Variants in RHOBTB3 observed in about 807,000 individuals in gnomAD.
RHOBTB3 encodes Rho related BTB domain containing 3.
Under a neutral mutation model 67.2 loss-of-function variants are expected in RHOBTB3, and 47 were observed. The ratio of observed to expected loss-of-function variants is 0.70; its 90% CI spans 0.55 to 0.89. The LOEUF is 0.89. Ranked by LOEUF, RHOBTB3 falls within the 40% of genes least tolerant of loss-of-function variation. The pLI, the probability that RHOBTB3 is intolerant of heterozygous loss-of-function variation, is 0.00. For missense variants in RHOBTB3, 631 were observed against 750.0 expected, an observed-to-expected ratio of 0.84 and a Z score of 1.85; for synonymous variants, 273 against 274.2, an observed-to-expected ratio of 1.00 and a Z score of 0.04.
rs1432634434 is a variant in RHOBTB3 at position 95,794,000 on chromosome 5, C to G, written c.*826C>G. 5 of 456,102 alleles carry G rather than the reference C, an allele frequency of 1.1e-5. No individual in the cohort carries two copies. The Admixed American group carries it at 1.2e-4, about 11-fold the overall frequency. 28.3% of individuals were successfully genotyped at this position (456,102 alleles called of 1,614,324 possible). ...TATCCTATGTTTTCTTGCTCAAACA[C>G]CTTTCTCTCTGAAAGCAGAAAAAGG... On this transcript the variant is annotated 3_prime_UTR_variant, in exon 12 of 12. Transcript: ENST00000379982.
At chr5:95,770,514 G>T in intron 8 of RHOBTB3, 1 of 339,662 alleles carries the variant, frequency 2.9e-6, no homozygotes, top group South Asian at 3.3e-5. Context: ...AGTTGGTTAT[G>T]AGCTATGGTT....
chr5:95,782,879 A>G (rs1443175058), intron 9 of RHOBTB3: 1 of 151,662 alleles, frequency 6.6e-6, no homozygotes, highest in Non-Finnish European at 1.5e-5. Flanking sequence ...TATCATAATA[A>G]AAACAAAACA....
chr5:95,736,595 A>G (rs576303589), intron 2 of RHOBTB3, among the ~76,000 whole-genome samples: 3 of 152,356 alleles, frequency 2.0e-5, no homozygotes, highest in Non-Finnish European at 4.4e-5. Context: ...AATATAGTGT[A>G]ATTTTAAAAC....
intron 1 of RHOBTB3, among the ~76,000 whole-genome samples, chr5:95,724,625 C>T (rs895620922): frequency 1.3e-5 from 2 of 152,160 alleles, no homozygotes; most frequent in Non-Finnish European, 2.9e-5. Context: ...ACCACCACGC[C>T]CGGCTAATTT....
At chr5:95,775,053 G>A (rs1745826820) in intron 8 of RHOBTB3, among the ~76,000 whole-genome samples, 1 of 152,146 alleles carries the variant, frequency 6.6e-6, no homozygotes, top group Non-Finnish European at 1.5e-5. Context: ...TAACTCAAAG[G>A]CGAGTGTGAG....
rs564701804 is a variant in RHOBTB3 at position 95,742,838 on chromosome 5, C to T, written c.416-5495C>T. Among the ~76,000 whole-genome samples, 30 of 152,230 alleles carry T rather than the reference C, an allele frequency of 2.0e-4. 1 individual carries two copies. In the South Asian group the frequency reaches 5.4e-3, roughly 27 times the overall value. Reference sequence around the variant, plus strand: ...CTGTAATCCCAGCACTTCGGGAGGCCGAGGCGGGCGGATCATGAGGTCAGG... The same window carrying T: ...CTGTAATCCCAGCACTTCGGGAGGCTGAGGCGGGCGGATCATGAGGTCAGG... On this transcript the variant is annotated intron_variant, in intron 3 of 11. Transcript: ENST00000379982.
intron 11 of RHOBTB3, 92 bp from the exon 12 acceptor site, chr5:95,792,967 T>C: frequency 1.2e-6 from 1 of 815,370 alleles, no homozygotes. Context: ...CAGAGCTGGA[T>C]CTCATCTATT....
At chr5:95,732,175 T>A (rs1417645037) in intron 2 of RHOBTB3, 91 bp downstream of exon 2, 14 of 1,193,190 alleles carry the variant, frequency 1.2e-5, no homozygotes, top group Non-Finnish European at 1.7e-5. Flanking sequence ...TCCGTGAGTG[T>A]GGAGTGTCCG....
chr5:95,739,335 AG>A (rs1348152432), intron 3 of RHOBTB3, among the ~76,000 whole-genome samples: 1 of 151,670 alleles, frequency 6.6e-6, no homozygotes, highest in East Asian at 1.9e-4. Flanking sequence ...CTAGTCATTT[AG>A]TTATTTGTCA....
chr5:95,788,578 C>A (rs1413592984), intron 10 of RHOBTB3, among the ~76,000 whole-genome samples, 184 bp from the exon 11 acceptor site: 2 of 152,158 alleles, frequency 1.3e-5, no homozygotes, highest in African/African-American at 4.8e-5. Context: ...GTACTTTTAA[C>A]GTTATTTGCT....
intron 1 of RHOBTB3, among the ~76,000 whole-genome samples, chr5:95,720,741 C>T (rs534449574): frequency 2.6e-5 from 4 of 152,016 alleles, no homozygotes; most frequent in South Asian, 4.2e-4. Flanking sequence ...TAGATAGACT[C>T]GTAGACTTTT....
chr5:95,743,379 G>A (rs1040807028), intron 3 of RHOBTB3, among the ~76,000 whole-genome samples: 1 of 151,990 alleles, frequency 6.6e-6, no homozygotes, highest in Non-Finnish European at 1.5e-5. Flanking sequence ...CTTCCACTGG[G>A]GTTCTCCCAC....
intron 11 of RHOBTB3, among the ~76,000 whole-genome samples, chr5:95,792,458 A>T (rs1404121129): frequency 6.6e-6 from 1 of 151,664 alleles, no homozygotes; most frequent in East Asian, 1.9e-4. Flanking sequence ...GGAAAAAAAA[A>T]ATAAGTCCGT....
chr5:95,731,508 G>A lies in RHOBTB3; in HGVS notation c.-175G>A. Reference sequence around the variant, plus strand: ...GCCCGCCCTGGTCCCCGGCTCGCTCGCTGGCTGGCGCGGCCCCGGCCCCGC... The same window carrying A: ...GCCCGCCCTGGTCCCCGGCTCGCTCACTGGCTGGCGCGGCCCCGGCCCCGC... On this transcript the variant is annotated 5_prime_UTR_variant, in exon 1 of 12. Transcript: ENST00000379982. The A allele has an allele frequency of 8.0e-7, 1 of 1,249,756 alleles. No homozygotes were observed. Among genetic ancestry groups the A allele is most frequent in the African/African-American group, 1.6e-5 (1 of 63,622 alleles). The allele number at this position is 1,249,756 out of a possible 1,614,324, so 77.4% of individuals were successfully genotyped here.
At chr5:95,764,148 T>A (rs933916612) in intron 7 of RHOBTB3, among the ~76,000 whole-genome samples, 1 of 152,202 alleles carries the variant, frequency 6.6e-6, no homozygotes, top group Non-Finnish European at 1.5e-5. Flanking sequence ...TTAAAATACA[T>A]GTGAGTCATG....
chr5:95,767,631 A>T (rs951857928), intron 7 of RHOBTB3: 1 of 539,894 alleles, frequency 1.9e-6, no homozygotes, highest in Non-Finnish European at 3.3e-6. Flanking sequence ...GCACCTGGCC[A>T]AAAAATGTAT....
chr5:95,748,626 G>T, intron 4 of RHOBTB3, 139 bp downstream of exon 4: 1 of 501,016 alleles, frequency 2.0e-6, no homozygotes, highest in South Asian at 4.7e-5. Context: ...GAGAGTGAGT[G>T]GCAAAGGTTT....
At position 95,732,549 on chromosome 5, in the gene RHOBTB3, G is replaced by A. The variant is rs184524586; in HGVS notation, c.228+465G>A. 231 of 202,400 alleles carry A rather than the reference G, an allele frequency of 1.1e-3. 1 individual carries two copies. The highest frequency in any genetic ancestry group is 3.7e-3 in the Middle Eastern group (2 of 544). The allele number at this position is 202,400 out of a possible 1,614,324, so 12.5% of individuals were successfully genotyped here. ...TTCAGAAATAGTTCCTCTGGAAAGC[G>A]GAGGAAAAGACAGGGACTGGGAGTT... On this transcript the variant is annotated intron_variant, in intron 2 of 11. Coordinates refer to ENST00000379982, the MANE Select transcript of RHOBTB3 (RefSeq NM_014899.4).
chr5:95,727,934 G>A (rs1269752713), upstream of RHOBTB3, among the ~76,000 whole-genome samples: 1 of 152,174 alleles, frequency 6.6e-6, no homozygotes, highest in Non-Finnish European at 1.5e-5. Flanking sequence ...AGTCATTCAA[G>A]GACTGGTTCC....
Sources: allele counts gnomAD v4.1 joint callset (sites outside exome capture counted in the v4.1 genomes callset), GRCh38; gene constraint gnomAD v4.1.1; transcripts MANE v1.5; gene names NCBI Gene and HGNC (gene_info 2026-07-23, HGNC 2026-07-21).